The following GLIS3 variants were observed in gnomAD, a reference collection of about 807,000 sequenced individuals.
The protein encoded by GLIS3 is zinc finger protein GLIS3.
A neutral mutation model predicts 78.6 loss-of-function variants in GLIS3; 53 were observed. The ratio of observed to expected loss-of-function variants is 0.67; its 90% CI spans 0.54 to 0.85. The LOEUF is 0.85. GLIS3 is among the 40% of genes least tolerant of loss of function. GLIS3 has a pLI of 0.00. For missense variants in GLIS3, 1,703 were observed against 1,231.1 expected, an observed-to-expected ratio of 1.38 and a Z score of -5.74; for synonymous variants, 684 against 509.9, an observed-to-expected ratio of 1.34 and a Z score of -4.60.
chr9:4,456,136 T>C, the GLIS3 span, among the ~76,000 whole-genome samples: 2 of 152,222 alleles, frequency 1.3e-5, no homozygotes, highest in African/African-American at 4.8e-5. Context: ...GTTTACACTA[T>C]ACTGTAGTCT....
chr9:3,906,485 C>A (rs1346915003), intron 6 of GLIS3, among the ~76,000 whole-genome samples: 6 of 152,098 alleles, frequency 3.9e-5, no homozygotes, highest in African/African-American at 1.4e-4. Flanking sequence ...GCCCGAGGAA[C>A]AGCAAAGGAG....
At chr9:4,391,824 T>C in the GLIS3 span, among the ~76,000 whole-genome samples, 10 of 152,278 alleles carry the variant, frequency 6.6e-5, no homozygotes, top group African/African-American at 2.4e-4. Flanking sequence ...AGTTCAACCA[T>C]TGTGGAAGAC....
At chr9:4,244,489 G>A (rs867222715) in intron 2 of GLIS3, among the ~76,000 whole-genome samples, 2 of 152,184 alleles carry the variant, frequency 1.3e-5, no homozygotes, top group Non-Finnish European at 2.9e-5. Flanking sequence ...AACTACATTG[G>A]AAAGAGTTTT....
chr9:3,849,673 TG>T (rs1197116699), intron 9 of GLIS3, among the ~76,000 whole-genome samples: 1 of 152,032 alleles, frequency 6.6e-6, no homozygotes, highest in Non-Finnish European at 1.5e-5. Context: ...TTTGGGAGGC[TG>T]GGGCGGGTGG....
chr9:4,401,955 C>A, the GLIS3 span, among the ~76,000 whole-genome samples: 2 of 152,088 alleles, frequency 1.3e-5, no homozygotes, highest in Non-Finnish European at 2.9e-5. Context: ...GGTGTGAGAA[C>A]CAGCTTAGCT....
At chr9:4,256,498 G>A (rs993327202) in intron 2 of GLIS3, among the ~76,000 whole-genome samples, 4 of 152,144 alleles carry the variant, frequency 2.6e-5, no homozygotes, top group Admixed American at 6.5e-5. Context: ...CGGTAAAATT[G>A]AAGTTTGGTG....
At chr9:3,939,495 G>C (rs1254019338) in intron 4 of GLIS3, among the ~76,000 whole-genome samples, 1 of 152,098 alleles carries the variant, frequency 6.6e-6, no homozygotes, top group African/African-American at 2.4e-5. Flanking sequence ...AGACCAAAGG[G>C]CTTATTGCAT....
intron 2 of GLIS3, among the ~76,000 whole-genome samples, chr9:4,141,182 C>T (rs899799902): frequency 6.6e-6 from 1 of 152,114 alleles, no homozygotes; most frequent in Admixed American, 6.6e-5. Flanking sequence ...GCAGAGCCTT[C>T]TGAAAGAGGA....
At chr9:4,084,251 T>TAACACACACACACACACA (rs1459557970) in intron 4 of GLIS3, among the ~76,000 whole-genome samples, 1 of 109,646 alleles carries the variant, frequency 9.1e-6, no homozygotes, top group Admixed American at 1.1e-4. Context: ...TTCCTTCCTC[T>TAACACACACACACACACA]CTCTAACACA....
intron 2 of GLIS3, among the ~76,000 whole-genome samples, chr9:4,159,153 G>C (rs1386882978): frequency 2.6e-5 from 4 of 152,066 alleles, no homozygotes; most frequent in Admixed American, 2.0e-4. Flanking sequence ...CTTGAGAACA[G>C]GGCCTGTATA....
chr9:4,449,305 A>G, the GLIS3 span, among the ~76,000 whole-genome samples: 1 of 152,174 alleles, frequency 6.6e-6, no homozygotes, highest in Non-Finnish European at 1.5e-5. Context: ...GTAGGTAAAG[A>G]AAGTGGCCAG....
At chr9:3,961,052 G>A (rs146341121) in intron 4 of GLIS3, among the ~76,000 whole-genome samples, 5 of 152,282 alleles carry the variant, frequency 3.3e-5, no homozygotes, top group East Asian at 1.9e-4. Context: ...TGCTATCAGA[G>A]CCACAGACTT....
At chr9:4,402,100 G>C in the GLIS3 span, among the ~76,000 whole-genome samples, 1 of 152,200 alleles carries the variant, frequency 6.6e-6, no homozygotes, top group South Asian at 2.1e-4. Flanking sequence ...GCAAGACCCA[G>C]TACTATGTTG....
chr9:4,094,069 G>A (rs540232068), intron 4 of GLIS3, among the ~76,000 whole-genome samples: 16 of 152,126 alleles, frequency 1.1e-4, no homozygotes, highest in African/African-American at 2.2e-4. Context: ...CATCTGTTCC[G>A]TGGATGCTTC....
chr9:4,218,711 A>G (rs574013469), intron 2 of GLIS3, among the ~76,000 whole-genome samples: 152 of 152,322 alleles, frequency 1.0e-3, no homozygotes, highest in African/African-American at 3.6e-3. Flanking sequence ...TATGTTTATT[A>G]ATTTTGAATT....
the GLIS3 span, among the ~76,000 whole-genome samples, chr9:4,356,354 G>A: frequency 6.6e-6 from 1 of 152,152 alleles, no homozygotes; most frequent in Non-Finnish European, 1.5e-5. Context: ...ACTTTAAAGA[G>A]CATGATTGGT....
chr9:4,380,278 G>C, the GLIS3 span, among the ~76,000 whole-genome samples: 1 of 152,106 alleles, frequency 6.6e-6, no homozygotes, highest in Non-Finnish European at 1.5e-5. Context: ...ACTCTCTGCT[G>C]TTATTTGAAA....
At chr9:4,411,551 G>C in the GLIS3 span, among the ~76,000 whole-genome samples, 3 of 152,162 alleles carry the variant, frequency 2.0e-5, no homozygotes, top group African/African-American at 7.2e-5. Context: ...ACTAATTTTG[G>C]AGATAGTGAC....
At chr9:4,359,280 G>C in the GLIS3 span, among the ~76,000 whole-genome samples, 14 of 151,846 alleles carry the variant, frequency 9.2e-5, no homozygotes, top group East Asian at 1.4e-3. Context: ...TGAGTGGCTG[G>C]AACTGGCATA....
Sources: gnomAD v4.1 joint callset for allele counts (sites outside exome capture counted in the v4.1 genomes callset) on GRCh38, gnomAD v4.1.1 for gene constraint, MANE v1.5 for transcripts, NCBI Gene and HGNC (gene_info 2026-07-23, HGNC 2026-07-21) for gene names.